Variants in TRERF1 observed in about 807,000 individuals in gnomAD.
The protein encoded by TRERF1 is transcriptional regulating factor 1.
Under a neutral mutation model 122.9 loss-of-function variants are expected in TRERF1, and 27 were observed. The ratio of observed to expected loss-of-function variants is 0.22; its 90% CI spans 0.16 to 0.30. The LOEUF is 0.30. Ranked by LOEUF, TRERF1 falls within the 10% of genes least tolerant of loss-of-function variation. The probability of loss-of-function intolerance (pLI) is 1.00; values close to 1 mark genes in which losing one functional copy is unlikely to be tolerated. For missense variants in TRERF1, 1,248 were observed against 1,560.3 expected, an observed-to-expected ratio of 0.80 and a Z score of 3.37; for synonymous variants, 636 against 641.7, an observed-to-expected ratio of 0.99 and a Z score of 0.13.
chr6:42,258,299 T>G, intron 9 of TRERF1, 98 bp from the exon 10 acceptor site: 1 of 1,074,176 alleles, frequency 9.3e-7, no homozygotes, highest in South Asian at 1.3e-5. Flanking sequence ...TAATAGAGCT[T>G]CTCTCCTACC....
chr6:42,306,541 G>A (rs1171265092), intron 3 of TRERF1, among the ~76,000 whole-genome samples: 4 of 152,176 alleles, frequency 2.6e-5, no homozygotes, highest in African/African-American at 9.7e-5. Flanking sequence ...GGCTAACATG[G>A]GTGACAGGCT....
chr6:42,361,997 C>G (rs1771859763), intron 3 of TRERF1, among the ~76,000 whole-genome samples: 2 of 152,194 alleles, frequency 1.3e-5, no homozygotes, highest in Admixed American at 1.3e-4. Flanking sequence ...ACCTCTCCAG[C>G]TCCTGTTTCC....
chr6:42,434,355 A>C (rs1364125382), intron 2 of TRERF1, among the ~76,000 whole-genome samples: 1 of 151,766 alleles, frequency 6.6e-6, no homozygotes, highest in African/African-American at 2.4e-5. Flanking sequence ...AGAGAACCAC[A>C]CCTATGTACA....
chr6:42,306,205 T>C (rs1434286436), intron 3 of TRERF1, among the ~76,000 whole-genome samples: 1 of 151,976 alleles, frequency 6.6e-6, no homozygotes, highest in Admixed American at 6.6e-5. Context: ...TTTTGCCATA[T>C]TGGCCAGTCT....
chr6:42,300,061 A>G (rs531799331), intron 4 of TRERF1, among the ~76,000 whole-genome samples: 9 of 152,350 alleles, frequency 5.9e-5, no homozygotes, highest in African/African-American at 1.7e-4. Context: ...GAGTCATGAC[A>G]GCCAAATCTT....
chr6:42,291,864 C>T (rs181143692), intron 4 of TRERF1, among the ~76,000 whole-genome samples: 30 of 152,204 alleles, frequency 2.0e-4, no homozygotes, highest in Non-Finnish European at 3.7e-4. Context: ...CAAGTTTTTA[C>T]TCATCAGGAA....
chr6:42,428,478 G>C (rs1421815104), intron 2 of TRERF1, among the ~76,000 whole-genome samples: 2 of 152,190 alleles, frequency 1.3e-5, no homozygotes, highest in Admixed American at 6.5e-5. Flanking sequence ...TTGGGGTGGA[G>C]GGGGTGCGAG....
chr6:42,261,568 C>A (rs960707473), intron 8 of TRERF1, among the ~76,000 whole-genome samples: 1 of 152,146 alleles, frequency 6.6e-6, no homozygotes, highest in African/African-American at 2.4e-5. Flanking sequence ...ATGAGTCCAA[C>A]CCTATCAAGG....
intron 2 of TRERF1, among the ~76,000 whole-genome samples, chr6:42,444,378 C>T (rs1041129698): frequency 5.9e-5 from 9 of 152,100 alleles, no homozygotes; most frequent in African/African-American, 1.9e-4. Context: ...TCCTCTGTGC[C>T]GCTCAGTAAC....
intron 2 of TRERF1, among the ~76,000 whole-genome samples, chr6:42,364,155 C>T (rs1772284826): frequency 1.3e-5 from 2 of 152,212 alleles, no homozygotes; most frequent in Admixed American, 1.3e-4. Context: ...TCTGCCCTTC[C>T]TCCATTTCCT....
At chr6:42,342,437 G>C (rs1175862101) in intron 3 of TRERF1, among the ~76,000 whole-genome samples, 2 of 152,148 alleles carry the variant, frequency 1.3e-5, no homozygotes, top group African/African-American at 4.8e-5. Flanking sequence ...GGCAGACATT[G>C]CTAGTAGACC....
chr6:42,287,639 AC>A (rs1783506772), intron 4 of TRERF1, among the ~76,000 whole-genome samples: 1 of 151,902 alleles, frequency 6.6e-6, no homozygotes, highest in South Asian at 2.1e-4. Flanking sequence ...GAGACCCTTT[AC>A]CCAGGATCCT....
intron 3 of TRERF1, among the ~76,000 whole-genome samples, chr6:42,312,319 T>C (rs879369804): frequency 2.6e-5 from 4 of 152,172 alleles, no homozygotes; most frequent in Non-Finnish European, 4.4e-5. Context: ...CCAGGCTGGC[T>C]CTCCCAGAAG....
intron 3 of TRERF1, among the ~76,000 whole-genome samples, chr6:42,311,751 G>A (rs1028261354): frequency 1.6e-5 from 2 of 126,302 alleles, no homozygotes; most frequent in Non-Finnish European, 3.2e-5. Flanking sequence ...GGGCAACTGA[G>A]CAAGACTCCG....
At chr6:42,321,062 A>T (rs1330404673) in intron 3 of TRERF1, among the ~76,000 whole-genome samples, 1 of 152,020 alleles carries the variant, frequency 6.6e-6, no homozygotes, top group African/African-American at 2.4e-5. Context: ...GGAGGCTGAA[A>T]AGGGGGGAAT....
At chr6:42,361,358 T>A (rs1771726984) in intron 3 of TRERF1, among the ~76,000 whole-genome samples, 1 of 152,244 alleles carries the variant, frequency 6.6e-6, no homozygotes, top group Non-Finnish European at 1.5e-5. Flanking sequence ...CCAAACAGAC[T>A]ACGATGTGTG....
At chr6:42,279,051 C>T (rs1781801806) in intron 4 of TRERF1, among the ~76,000 whole-genome samples, 1 of 152,296 alleles carries the variant, frequency 6.6e-6, no homozygotes, top group Middle Eastern at 3.4e-3. Flanking sequence ...GAGGAGGCTT[C>T]CAAAGGACCC....
At chr6:42,247,122 A>C (rs1774946729) in intron 13 of TRERF1, among the ~76,000 whole-genome samples, 1 of 152,208 alleles carries the variant, frequency 6.6e-6, no homozygotes. Context: ...CACTCAGGTT[A>C]GGGCCAGGGC....
rs139041282 is a variant in TRERF1, at chr6:42,268,641, C to T, written c.950G>A (p.Arg317Gln). The change falls in exon 5 of 18, where the codon CGG becomes CAG. Residue 317 changes from arginine (R) to glutamine (Q), a missense_variant. Arg to Gln is a conservative substitution (Grantham distance 43). Coordinates refer to ENST00000372922, the Ensembl canonical transcript of TRERF1. This position sits in a 1 kb window ranked among gnomAD's most constrained non-coding sequence, Gnocchi z 4.4. ...CTGAGGTATCTGCATTGAACCCTGC[C>T]GCTGCTGCAGCTGTAGCTGCTGCGG... 181 of 1,614,122 alleles carry T rather than the reference C, an allele frequency of 1.1e-4. No individual in the cohort carries two copies. The highest frequency in any genetic ancestry group is 1.3e-4 in the Non-Finnish European group (159 of 1,180,002).
Sources: gnomAD v4.1 joint callset for allele counts (sites outside exome capture counted in the v4.1 genomes callset) on GRCh38, gnomAD v4.1.1 for gene constraint, Gnocchi (gnomAD v3.1) non-coding constraint, MANE v1.5 for transcripts, NCBI Gene and HGNC (gene_info 2026-07-23, HGNC 2026-07-21) for gene names.